Variants in TANC1 observed in about 807,000 individuals in gnomAD.
The protein encoded by TANC1 is tetratricopeptide repeat, ankyrin repeat and coiled-coil containing 1, also known as protein TANC1.
Under a neutral mutation model 149.7 loss-of-function variants are expected in TANC1, and 77 were observed. That is an observed-to-expected ratio of 0.51 (90% CI 0.43 to 0.62). TANC1 has a LOEUF of 0.62. Ranked by LOEUF, TANC1 falls within the 20% of genes least tolerant of loss-of-function variation. The pLI, the probability that TANC1 is intolerant of heterozygous loss-of-function variation, is 0.00. For missense variants in TANC1, 1,985 were observed against 2,321.8 expected (o/e 0.85, Z 2.98); for synonymous variants, 854 against 925.0 (o/e 0.92, Z 1.39).
chr2:159,068,110 G>A (rs192981081), intron 3 of TANC1, among the ~76,000 whole-genome samples: 1 of 152,296 alleles, frequency 6.6e-6, no homozygotes, highest in East Asian at 1.9e-4. Flanking sequence ...TAACCTGGTT[G>A]TATTAGGCTA....
intron 3 of TANC1, among the ~76,000 whole-genome samples, chr2:159,092,731 G>A (rs2045676586): frequency 6.6e-6 from 1 of 152,182 alleles, no homozygotes; most frequent in African/African-American, 2.4e-5. Context: ...GCAAAGGAGT[G>A]TGTGTGTATG....
intron 2 of TANC1, among the ~76,000 whole-genome samples, chr2:159,016,853 T>C (rs554200503): frequency 1.1e-4 from 16 of 152,216 alleles, no homozygotes; most frequent in East Asian, 7.7e-4. Context: ...GGATTACAGG[T>C]GTGAGCCACT....
intron 9 of TANC1, 143 bp downstream of exon 9, chr2:159,169,515 T>G: frequency 1.2e-6 from 1 of 858,316 alleles, no homozygotes; most frequent in South Asian, 1.9e-5. Context: ...ATCTGTGAGG[T>G]GTGCTAAGAG....
chr2:158,983,477 A>AAAAAAACAAAAAAAAAAAC (rs1559098758), intron 1 of TANC1, among the ~76,000 whole-genome samples: 1 of 151,090 alleles, frequency 6.6e-6, no homozygotes, highest in African/African-American at 2.4e-5. Context: ...CCAAAAAAAA[A>AAAAAAACAAAAAAAAAAAC]AAAAAAAAAA....
chr2:159,163,243 T>C, intron 7 of TANC1, 40 bp from the exon 8 acceptor site: 1 of 1,593,274 alleles, frequency 6.3e-7, no homozygotes, highest in Non-Finnish European at 8.6e-7. Context: ...GCCCCAGCTG[T>C]GCCTGGCCTC....
intron 2 of TANC1, chr2:159,004,044 A>T (rs2149340136): frequency 6.2e-7 from 1 of 1,612,318 alleles, no homozygotes; most frequent in African/African-American, 1.3e-5. Flanking sequence ...TGGGACAGTT[A>T]TTCATTTCAA....
chr2:159,222,660 C>G (rs2059776720), intron 22 of TANC1, among the ~76,000 whole-genome samples: 1 of 152,150 alleles, frequency 6.6e-6, no homozygotes, highest in South Asian at 2.1e-4. Context: ...TAGGTTGCTT[C>G]TATGTTTTTT....
intron 7 of TANC1, among the ~76,000 whole-genome samples, chr2:159,155,840 T>TG (rs1303487926): frequency 6.6e-6 from 1 of 152,182 alleles, no homozygotes; most frequent in African/African-American, 2.4e-5. Flanking sequence ...CCTGCTAGAG[T>TG]ATCTTGCTAG....
chr2:159,131,788 A>G (rs564720954), intron 4 of TANC1, among the ~76,000 whole-genome samples: 3 of 152,370 alleles, frequency 2.0e-5, no homozygotes, highest in African/African-American at 7.2e-5. Flanking sequence ...CTATGGTTAT[A>G]AATTTATCTT....
intron 5 of TANC1, among the ~76,000 whole-genome samples, chr2:159,139,400 T>A (rs1187887649): frequency 1.3e-5 from 2 of 152,200 alleles, no homozygotes; most frequent in Non-Finnish European, 2.9e-5. Flanking sequence ...AAGCTGTGTG[T>A]CAGGTAGAAT....
At chr2:159,126,998 T>G (rs2049517610) in intron 4 of TANC1, among the ~76,000 whole-genome samples, 1 of 152,234 alleles carries the variant, frequency 6.6e-6, no homozygotes, top group South Asian at 2.1e-4. Context: ...GAAATGTTAC[T>G]CAAGTTACTT....
intron 3 of TANC1, among the ~76,000 whole-genome samples, chr2:159,073,337 A>G (rs567083231): frequency 3.2e-4 from 49 of 152,306 alleles, no homozygotes; most frequent in South Asian, 6.2e-4. Context: ...AGCTGGTTTC[A>G]TGCTGAACTG....
intron 4 of TANC1, among the ~76,000 whole-genome samples, chr2:159,117,095 G>A (rs570302404): frequency 1.3e-5 from 2 of 152,204 alleles, no homozygotes; most frequent in Non-Finnish European, 2.9e-5. Context: ...AGTGTTTGCT[G>A]CTTTACCCTC....
chr2:159,017,759 C>T (rs915273792), intron 2 of TANC1, among the ~76,000 whole-genome samples: 11 of 151,650 alleles, frequency 7.3e-5, no homozygotes, highest in East Asian at 1.9e-4. Flanking sequence ...CTAATGCACG[C>T]GGGACTTCAA....
intron 3 of TANC1, among the ~76,000 whole-genome samples, chr2:159,066,350 G>T (rs549899674): frequency 6.6e-6 from 1 of 152,202 alleles, no homozygotes; most frequent in South Asian, 2.1e-4. Flanking sequence ...GGAGTTCAAG[G>T]CTGCAGTGAG....
At chr2:159,042,265 G>T (rs536692371) in intron 2 of TANC1, among the ~76,000 whole-genome samples, 3 of 152,210 alleles carry the variant, frequency 2.0e-5, no homozygotes, top group African/African-American at 7.2e-5. Context: ...TGGTTTTTTT[G>T]GCCCAAACGT....
In TANC1 at chr2:159,176,561, A is replaced by G. The variant is rs755582375; in HGVS notation, c.1902+43A>G. 25 of 1,420,354 alleles carry G rather than the reference A, an allele frequency of 1.8e-5. No individual in the cohort carries two copies. The African/African-American group carries it at 2.0e-4, about 11-fold the overall frequency. The allele number at this position is 1,420,354 out of a possible 1,614,324, so 88.0% of individuals were successfully genotyped here. The stretch of plus-strand genomic sequence containing the variant: ...AATCTTTCTCCAAGTCCCCATTCCA[A>G]TTTTACAGTGATAAATGTTAATAAC... On this transcript the variant is annotated intron_variant, in intron 13 of 26. Transcript: ENST00000263635.
intron 4 of TANC1, among the ~76,000 whole-genome samples, chr2:159,130,422 G>A (rs1352100945): frequency 6.6e-6 from 1 of 152,182 alleles, no homozygotes; most frequent in Non-Finnish European, 1.5e-5. Flanking sequence ...AGGGCTTGGG[G>A]AGATGGATTT....
intron 16 of TANC1, 114 bp downstream of exon 16, chr2:159,187,138 G>A: frequency 1.6e-6 from 2 of 1,256,752 alleles, no homozygotes; most frequent in Admixed American, 2.4e-5. Context: ...ACGCAGAGGA[G>A]CTTCTAAAGA....
Sources: allele counts gnomAD v4.1 joint callset (sites outside exome capture counted in the v4.1 genomes callset), GRCh38; gene constraint gnomAD v4.1.1; transcripts MANE v1.5; gene names NCBI Gene and HGNC (gene_info 2026-07-23, HGNC 2026-07-21).